WIF1: variants seen among roughly 807,000 people sequenced by gnomAD.
WIF1 encodes the protein Wnt inhibitory factor 1.
In WIF1, 35 loss-of-function variants were observed where a neutral mutation model predicts 53.5. The ratio of observed to expected loss-of-function variants is 0.65; its 90% confidence interval spans 0.50 to 0.87. WIF1 has a LOEUF of 0.87. WIF1 is among the 40% of genes least tolerant of loss of function. The pLI is 0.00. For synonymous variants in WIF1, 171 were observed against 170.4 expected (o/e 1.00, Z -0.03); for missense variants, 467 against 476.8 (o/e 0.98, Z 0.19).
At chr12:65,054,503 T>A (rs1269498452) in intron 9 of WIF1, among the ~76,000 whole-genome samples, 2 of 152,156 alleles carry the variant, frequency 1.3e-5, no homozygotes, top group Non-Finnish European at 2.9e-5. Flanking sequence ...ATAGGCCAGC[T>A]GTTTATCTAC....
chr12:65,120,369 T>G, intron 2 of WIF1, 48 bp downstream of exon 2: 1 of 1,584,076 alleles, frequency 6.3e-7, no homozygotes, highest in Non-Finnish European at 8.6e-7. Context: ...TATTTCCACC[T>G]GCCATAAGGC....
chr12:65,097,961 A>T (rs1029075983), intron 2 of WIF1, among the ~76,000 whole-genome samples: 3 of 152,190 alleles, frequency 2.0e-5, no homozygotes, highest in Admixed American at 1.3e-4. Flanking sequence ...AGGAATTGTA[A>T]TTCTAGGATT....
intron 2 of WIF1, among the ~76,000 whole-genome samples, chr12:65,096,161 C>A (rs1883201231): frequency 6.6e-6 from 1 of 152,148 alleles, no homozygotes; most frequent in East Asian, 1.9e-4. Context: ...GGAACTTAAA[C>A]AAATTTACAA....
At chr12:65,091,817 C>T (rs980943175) in intron 2 of WIF1, among the ~76,000 whole-genome samples, 1 of 152,122 alleles carries the variant, frequency 6.6e-6, no homozygotes, top group Non-Finnish European at 1.5e-5. Flanking sequence ...TTTCTGTGTT[C>T]ATGCCTTCTT....
rs146870670 is a variant in WIF1 at position 65,052,592 on chromosome 12, G to A, written c.1019-1122C>T. ...GCCTCAGAGCTTCCTTGTCACCTCC[G>A]TCTAGTCAAAATAAACCCCCTTCTT... On this transcript the variant is annotated intron_variant, in intron 9 of 9. Transcript: ENST00000286574. Among the ~76,000 whole-genome samples, 63 of 152,264 alleles carry A rather than the reference G, an allele frequency of 4.1e-4. 1 individual carries two copies. The highest frequency in any genetic ancestry group is 6.6e-4 in the Non-Finnish European group (45 of 68,016).
At chr12:65,108,570 C>T (rs190717501) in intron 2 of WIF1, among the ~76,000 whole-genome samples, 38 of 152,328 alleles carry the variant, frequency 2.5e-4, no homozygotes, top group Admixed American at 6.5e-4. Flanking sequence ...TCAAAGTCAT[C>T]TCTATTCCCT....
intron 2 of WIF1, among the ~76,000 whole-genome samples, chr12:65,079,303 A>T (rs1882913281): frequency 6.6e-6 from 1 of 152,148 alleles, no homozygotes; most frequent in Admixed American, 6.6e-5. Context: ...ACAAATGAAC[A>T]AATCTGACAA....
chr12:65,054,778 A>T (rs1882498152), intron 9 of WIF1, among the ~76,000 whole-genome samples: 1 of 152,210 alleles, frequency 6.6e-6, no homozygotes, highest in African/African-American at 2.4e-5. Context: ...CATTTCTTTC[A>T]TAGTTAACAC....
intron 2 of WIF1, among the ~76,000 whole-genome samples, chr12:65,115,741 G>A (rs1883499213): frequency 6.6e-6 from 1 of 152,174 alleles, no homozygotes; most frequent in Non-Finnish European, 1.5e-5. Flanking sequence ...GTATCAGAAG[G>A]TTAAATGGAG....
chr12:65,080,970 T>C (rs944500619), intron 2 of WIF1, among the ~76,000 whole-genome samples: 4 of 152,082 alleles, frequency 2.6e-5, no homozygotes, highest in Non-Finnish European at 5.9e-5. Context: ...TAATTTAATT[T>C]AAAAAATAAA....
At chr12:65,077,678 G>A (rs1271571082) in intron 3 of WIF1, 68 bp downstream of exon 3, 3 of 1,156,002 alleles carry the variant, frequency 2.6e-6, no homozygotes, top group East Asian at 2.4e-5. Context: ...TAGGACATTT[G>A]CATCTTAAAT....
At chr12:65,104,988 T>A (rs1470040765) in intron 2 of WIF1, among the ~76,000 whole-genome samples, 1 of 152,024 alleles carries the variant, frequency 6.6e-6, no homozygotes, top group Non-Finnish European at 1.5e-5. Flanking sequence ...AAAAGATGAT[T>A]TAAAGGGGAT....
intron 2 of WIF1, among the ~76,000 whole-genome samples, chr12:65,082,568 C>A (rs1882966095): frequency 6.6e-6 from 1 of 152,104 alleles, no homozygotes; most frequent in Non-Finnish European, 1.5e-5. Flanking sequence ...AAAAGACACC[C>A]AAATATTATC....
chr12:65,055,911 G>T, intron 8 of WIF1, 120 bp downstream of exon 8: 1 of 814,364 alleles, frequency 1.2e-6, no homozygotes, highest in South Asian at 2.0e-5. Context: ...ATATGTCAGT[G>T]AAGAAAGGTT....
chr12:65,104,348 C>T (rs1304284981), intron 2 of WIF1, among the ~76,000 whole-genome samples: 11 of 152,190 alleles, frequency 7.2e-5, no homozygotes, highest in Admixed American at 6.5e-4. Flanking sequence ...TCACCCTCCA[C>T]AGCACACAGC....
intron 2 of WIF1, among the ~76,000 whole-genome samples, chr12:65,091,359 A>G (rs1445270723): frequency 1.3e-5 from 2 of 148,336 alleles, no homozygotes; most frequent in Non-Finnish European, 3.0e-5. Flanking sequence ...TATATTATAC[A>G]TTATATATAT....
At chr12:65,094,159 G>A (rs1883166975) in intron 2 of WIF1, among the ~76,000 whole-genome samples, 1 of 152,096 alleles carries the variant, frequency 6.6e-6, no homozygotes, top group African/African-American at 2.4e-5. Context: ...AAACCCCTAA[G>A]CATGGGTGTA....
intron 9 of WIF1, among the ~76,000 whole-genome samples, chr12:65,054,294 G>A (rs1047892720): frequency 1.7e-4 from 26 of 152,048 alleles, no homozygotes; most frequent in African/African-American, 6.3e-4. Context: ...CCATGCTTAG[G>A]AGACTGAGTT....
Position 65,094,208 on chromosome 12 carries a change from C to A in WIF1, c.289-16354G>T, listed in dbSNP as rs577744626. Among the ~76,000 whole-genome samples the A allele has an allele frequency of 3.3e-5, 5 of 152,252 alleles. No individual in the cohort carries two copies. In the South Asian group the frequency reaches 1.0e-3, roughly 32 times the overall value. Reference sequence around the variant, plus strand: ...AGGATTTTTGGAAAGTCTGAAAGGACAAATATTTCTCCCAGATCCAATAAA... The same window carrying A: ...AGGATTTTTGGAAAGTCTGAAAGGAAAAATATTTCTCCCAGATCCAATAAA... On this transcript the variant is annotated intron_variant, in intron 2 of 9. Transcript: ENST00000286574.
Sources: gnomAD v4.1 joint callset for allele counts (sites outside exome capture counted in the v4.1 genomes callset) on GRCh38, gnomAD v4.1.1 for gene constraint, MANE v1.5 for transcripts, NCBI Gene and HGNC (gene_info 2026-07-23, HGNC 2026-07-21) for gene names.